The following UGT1A9 variants were observed in gnomAD, a reference collection of about 807,000 sequenced individuals.
UGT1A9 encodes the protein UDP-glucuronosyltransferase 1A9.
A neutral mutation model predicts 45.0 loss-of-function variants in UGT1A9; 35 were observed. That is an observed-to-expected ratio of 0.78 (90% CI 0.59 to 1.03). UGT1A9 has a LOEUF of 1.03. UGT1A9 is among the 50% of genes least tolerant of loss of function. UGT1A9 has a pLI of 0.00. For synonymous variants in UGT1A9, 278 were observed against 250.6 expected (o/e 1.11, Z -1.03); for missense variants, 687 against 666.6 (o/e 1.03, Z -0.34).
At chr2:233,677,559 AC>A (rs1201538930) in intron 1 of UGT1A9, among the ~76,000 whole-genome samples, 2 of 152,220 alleles carry the variant, frequency 1.3e-5, no homozygotes, top group African/African-American at 2.4e-5. Context: ...TTATTAAAAA[AC>A]GTAACATATG....
Position 233,769,822 on chromosome 2 carries a change from T to A in UGT1A9, c.1295+1383T>A. The A allele has an allele frequency of 2.6e-6, 2 of 764,522 alleles. No homozygotes were observed. The highest frequency in any genetic ancestry group is 1.9e-6 in the Non-Finnish European group (1 of 538,240). The allele number at this position is 764,522 out of a possible 1,614,324, so 47.4% of individuals were successfully genotyped here. On this transcript the variant is annotated intron_variant, in intron 4 of 4. Coordinates refer to ENST00000354728, the MANE Select transcript of UGT1A9 (RefSeq NM_021027.3). The surrounding 1 kb of genome is among the most constrained non-coding windows in gnomAD (Gnocchi z 4.4). ...ATGAGCCGTGATCATGCCACTGCAC[T>A]CCAGCAACCTGGGCAACAGAGTGAG... is the stretch of plus-strand genomic sequence containing the variant.
chr2:233,703,265 T>C (rs2075729501), intron 1 of UGT1A9, among the ~76,000 whole-genome samples: 1 of 152,208 alleles, frequency 6.6e-6, no homozygotes, highest in South Asian at 2.1e-4. Flanking sequence ...TATAATACTT[T>C]CTGTTTCTGT....
chr2:233,725,058 G>A (rs1228937957), intron 1 of UGT1A9, among the ~76,000 whole-genome samples: 11 of 147,492 alleles, frequency 7.5e-5, no homozygotes, highest in East Asian at 4.2e-4. Flanking sequence ...GTGGCGGCGC[G>A]CGCCTGCAAT....
At chr2:233,711,308 T>C (rs1455786140) in intron 1 of UGT1A9, among the ~76,000 whole-genome samples, 1 of 152,192 alleles carries the variant, frequency 6.6e-6, no homozygotes, top group Non-Finnish European at 1.5e-5. Flanking sequence ...TTAGATGACA[T>C]TGGTGTCTAA....
Position 233,769,854 on chromosome 2 carries a change from T to C in UGT1A9, c.1295+1415T>C. 2.3e-6 allele frequency: 1 copy of C among 426,358 alleles called. No homozygotes were observed. The highest frequency in any genetic ancestry group is 3.7e-6 in the Non-Finnish European group (1 of 266,722). 26.4% of individuals were successfully genotyped at this position (426,358 alleles called of 1,614,324 possible). On this transcript the variant is annotated intron_variant, in intron 4 of 4. Transcript: ENST00000354728. The surrounding 1 kb of genome is among the most constrained non-coding windows in gnomAD (Gnocchi z 4.4). ...ACCTGGGCAACAGAGTGAGACCCTGTCTCAAAAAAAAAAAAAAAAATGAAA... is the reference window on the plus strand; with the variant it reads ...ACCTGGGCAACAGAGTGAGACCCTGCCTCAAAAAAAAAAAAAAAAATGAAA...
At position 233,757,541 on chromosome 2, in the gene UGT1A9, T is replaced by TATACATATAC. The variant is rs1229454769; in HGVS notation, c.856-9490_856-9489insCATATACATA. ...CAAAATCTTGCCTGTAAGGAATATA[T>TATACATATAC]ATATATATATATATATATATGTATA... On this transcript the variant is annotated intron_variant, in intron 1 of 4. Transcript: ENST00000354728. Among the ~76,000 whole-genome samples the TATACATATAC allele has an allele frequency of 5.2e-3, 611 of 117,548 alleles. 31 individuals carry two copies. Among genetic ancestry groups the TATACATATAC allele is most frequent in the Admixed American group, 0.029 (361 of 12,346 alleles). The allele number at this position is 117,548 out of a possible 152,430, so 77.1% of individuals were successfully genotyped here.
chr2:233,729,038 G>T (rs2077778879), intron 1 of UGT1A9: 2 of 1,604,346 alleles, frequency 1.2e-6, no homozygotes, highest in South Asian at 2.2e-5. Flanking sequence ...TTGCTAAGTG[G>T]CTCAGTGACA....
intron 1 of UGT1A9, chr2:233,692,971 C>CT: frequency 6.2e-7 from 1 of 1,611,844 alleles, no homozygotes; most frequent in Non-Finnish European, 8.5e-7. Flanking sequence ...AGTGAAAACT[C>CT]TTTATTACCG....
At chr2:233,730,797 T>G (rs45510999) in intron 1 of UGT1A9, among the ~76,000 whole-genome samples, 5,123 of 152,228 alleles carry the variant, frequency 0.034, 100 homozygotes, top group African/African-American at 0.051. Flanking sequence ...CAGTGATGAA[T>G]GGACATGCGT....
chr2:233,690,641 C>G (rs1270518819), intron 1 of UGT1A9: 1 of 1,287,710 alleles, frequency 7.8e-7, no homozygotes, highest in Admixed American at 2.3e-5. Flanking sequence ...CTGAGGACAC[C>G]TTGACTCCTA....
At chr2:233,695,012 T>C (rs1343178534) in intron 1 of UGT1A9, among the ~76,000 whole-genome samples, 2 of 152,232 alleles carry the variant, frequency 1.3e-5, no homozygotes, top group African/African-American at 4.8e-5. Context: ...TTTCTAGCTA[T>C]TTTGAACTGC....
chr2:233,772,497 T>A lies in UGT1A9; in HGVS notation c.1531T>A (p.Tyr511Asn). The change falls in exon 5 of 5, where the codon TAC becomes AAC. Residue 511 changes from tyrosine to asparagine, a missense_variant. By Grantham distance (143) the Tyr-to-Asn change is moderately radical (BLOSUM62 -2). Coordinates refer to ENST00000354728, the MANE Select transcript of UGT1A9 (RefSeq NM_021027.3). ...CACCTTTAAATGTTGTGCTTATGGC[T>A]ACCGGAAATGCTTGGGGAAAAAAGG... ...FITFKCCAYGYRKCLGKKGRV... is the reference protein window; with the variant it reads ...FITFKCCAYGNRKCLGKKGRV... The A allele has an allele frequency of 6.2e-7, 1 of 1,614,126 alleles. No homozygotes were observed. The highest frequency in any genetic ancestry group is 8.5e-7 in the Non-Finnish European group (1 of 1,180,040).
chr2:233,720,069 G>C (rs12463641), intron 1 of UGT1A9, among the ~76,000 whole-genome samples: 12,192 of 152,216 alleles, frequency 0.08, 620 homozygotes, highest in East Asian at 0.2. Flanking sequence ...CAGTAAATTA[G>C]AATTGTGGAC....
chr2:233,712,650 T>G (rs2076245688), intron 1 of UGT1A9, among the ~76,000 whole-genome samples: 1 of 151,870 alleles, frequency 6.6e-6, no homozygotes, highest in Admixed American at 6.5e-5. Context: ...CTGATAAACG[T>G]GGTTAAGAGA....
rs543459576 is a variant in UGT1A9, at chr2:233,694,307, T to G, written c.855+21518T>G. On this transcript the variant is annotated intron_variant, in intron 1 of 4. Transcript: ENST00000354728. ...TCTGCCCAAAGGCCTGTTTTTTGTT[T>G]TTTTTTTTCCTTTTATGTTGAGACC... Among the ~76,000 whole-genome samples, 8 of 152,084 alleles carry G rather than the reference T, an allele frequency of 5.3e-5. No homozygotes were observed. The East Asian group carries it at 1.4e-3, about 26-fold the overall frequency.
At position 233,768,249 on chromosome 2, in the gene UGT1A9, C is replaced by T. The variant is rs1699594140; in HGVS notation, c.1105C>T (p.His369Tyr). ...CCCGATGACCCGTGCCTTTATCACC[C>T]ATGCTGGTTCCCATGGTGTTTATGA... Reference protein sequence around the residue: ...GHPMTRAFITHAGSHGVYESI... With the variant: ...GHPMTRAFITYAGSHGVYESI... Residue 369 changes from histidine to tyrosine, a missense_variant, in exon 4 of 5, where the codon CAT (histidine) becomes TAT (tyrosine). His to Tyr is a moderately conservative substitution (Grantham distance 83). Transcript: ENST00000354728. The T allele has an allele frequency of 6.2e-7, 1 of 1,614,198 alleles. No homozygotes were observed. The highest frequency in any genetic ancestry group is 8.5e-7 in the Non-Finnish European group (1 of 1,180,036).
intron 1 of UGT1A9, among the ~76,000 whole-genome samples, chr2:233,717,156 G>A (rs534740397): frequency 6.2e-4 from 94 of 152,158 alleles, no homozygotes; most frequent in Non-Finnish European, 1.2e-3. Context: ...TAGAACATGG[G>A]AGCCCCTTGA....
At chr2:233,709,749 A>T (rs2076089896) in intron 1 of UGT1A9, among the ~76,000 whole-genome samples, 1 of 152,214 alleles carries the variant, frequency 6.6e-6, no homozygotes, top group African/African-American at 2.4e-5. Flanking sequence ...TAAAATAAAC[A>T]TTATTGGAGT....
chr2:233,731,986 G>T (rs184170345), intron 1 of UGT1A9, among the ~76,000 whole-genome samples: 1 of 152,194 alleles, frequency 6.6e-6, no homozygotes, highest in Non-Finnish European at 1.5e-5. Context: ...TCTAACTGGC[G>T]TGAGATGGTA....
Sources: allele counts gnomAD v4.1 joint callset (sites outside exome capture counted in the v4.1 genomes callset), GRCh38; gene constraint gnomAD v4.1.1; non-coding constraint Gnocchi (gnomAD v3.1); transcripts MANE v1.5; gene names NCBI Gene and HGNC (gene_info 2026-07-23, HGNC 2026-07-21).